The following INAVA variants were observed in gnomAD, a reference collection of about 807,000 sequenced individuals.
INAVA encodes innate immunity activator protein.
INAVA carries 32 observed loss-of-function variants against 55.3 expected under a neutral mutation model. The observed-to-expected ratio is 0.58, with a 90% CI of 0.44 to 0.78. The LOEUF is 0.78. INAVA is among the 30% of genes least tolerant of loss of function. The pLI is 0.00. For synonymous variants in INAVA, 294 were observed against 329.4 expected (o/e 0.89, Z 1.16); for missense variants, 756 against 786.4 (o/e 0.96, Z 0.46).
At position 200,911,445 on chromosome 1, in the gene INAVA, C is replaced by T. The variant is rs774238091; in HGVS notation, c.960-8C>T. On this transcript the variant is annotated splice_polypyrimidine_tract_variant and splice_region_variant and intron_variant, in intron 8 of 9. Coordinates refer to ENST00000413687, the MANE Select transcript of INAVA (RefSeq NM_001142569.3). ...CCACACTCAGAATGCCTCTCTTTCC[C>T]TCTTCAGGGTGGATTCCTTCCGGGC... 1.2e-6 allele frequency: 2 copies of T among 1,604,922 alleles called. No individual in the cohort carries two copies. The highest frequency in any genetic ancestry group is 1.7e-6 in the Non-Finnish European group (2 of 1,173,526).
At chr1:200,894,791 GGA>G (rs1185889427), upstream of INAVA, 1 of 985,470 alleles carries the variant, frequency 1.0e-6, no homozygotes, top group Non-Finnish European at 1.2e-6. Flanking sequence ...CAGAGGCCCA[GGA>G]GCTGCCTGCT....
chr1:200,896,583 T>A (rs1403347330), intron 1 of INAVA, among the ~76,000 whole-genome samples: 1 of 152,272 alleles, frequency 6.6e-6, no homozygotes, highest in African/African-American at 2.4e-5. Flanking sequence ...CTAGACTTCC[T>A]TGAATAATTG....
intron 8 of INAVA, among the ~76,000 whole-genome samples, chr1:200,910,760 T>C (rs1653677041): frequency 6.6e-6 from 1 of 152,258 alleles, no homozygotes; most frequent in East Asian, 1.9e-4. Context: ...TTTTATATTT[T>C]ACATGCTACG....
upstream of INAVA, among the ~76,000 whole-genome samples, chr1:200,894,306 C>T (rs2102297850): frequency 6.6e-6 from 1 of 152,152 alleles, no homozygotes; most frequent in South Asian, 2.1e-4. Context: ...GAAGTGATGG[C>T]CTCGATACCC....
At chr1:200,904,129 T>A (rs1653390314) in intron 5 of INAVA, among the ~76,000 whole-genome samples, 1 of 151,196 alleles carries the variant, frequency 6.6e-6, no homozygotes, top group Non-Finnish European at 1.5e-5. Flanking sequence ...TGCTCTCTCA[T>A]CCAGGCTGGA....
chr1:200,910,205 A>G (rs1653659228), intron 8 of INAVA, among the ~76,000 whole-genome samples: 1 of 152,238 alleles, frequency 6.6e-6, no homozygotes, highest in Non-Finnish European at 1.5e-5. Context: ...ACATGAGGGC[A>G]GAACATGGCC....
In INAVA at chr1:200,909,216, T is replaced by G. The variant is rs1396112380; in HGVS notation, c.786-8T>G. The G allele has an allele frequency of 6.7e-7, 1 of 1,495,984 alleles. No homozygotes were observed. The highest frequency in any genetic ancestry group is 8.9e-7 in the Non-Finnish European group (1 of 1,118,348). 92.7% of individuals were successfully genotyped at this position (1,495,984 alleles called of 1,614,324 possible). ...CCTGCCACTGACCTGTCTCTAATCC[T>G]TTTGCAGCAGCCCAGCCACCACACC... On this transcript the variant is annotated splice_polypyrimidine_tract_variant and splice_region_variant and intron_variant, in intron 7 of 9. Coordinates refer to ENST00000413687, the MANE Select transcript of INAVA (RefSeq NM_001142569.3).
chr1:200,904,758 G>A (rs1230587110), intron 5 of INAVA, among the ~76,000 whole-genome samples: 3 of 151,182 alleles, frequency 2.0e-5, no homozygotes, highest in Admixed American at 6.6e-5. Context: ...TTAGAGACAG[G>A]GTCTTGTTCT....
intron 1 of INAVA, among the ~76,000 whole-genome samples, chr1:200,896,146 A>G (rs1031406547): frequency 7.9e-5 from 12 of 152,312 alleles, no homozygotes; most frequent in African/African-American, 2.4e-4. Flanking sequence ...CCTGAGAAGC[A>G]GGGGCTGAGT....
chr1:200,911,054 CTTT>C (rs1653693291), intron 8 of INAVA, among the ~76,000 whole-genome samples: 1 of 149,884 alleles, frequency 6.7e-6, no homozygotes, highest in Non-Finnish European at 1.5e-5. Context: ...TAATGTAGTA[CTTT>C]AAAAAAAGTA....
chr1:200,913,494 C>G, intron 9 of INAVA, 43 bp from the exon 10 acceptor site: 1 of 1,517,562 alleles, frequency 6.6e-7, no homozygotes, highest in Middle Eastern at 1.7e-4. Flanking sequence ...GCTTTTCTGC[C>G]TGGTTCATTT....
chr1:200,894,621 G>A (rs1382365925), upstream of INAVA, among the ~76,000 whole-genome samples: 1 of 152,180 alleles, frequency 6.6e-6, no homozygotes, highest in Non-Finnish European at 1.5e-5. Flanking sequence ...GGCAGGGAGA[G>A]CCAGGGTCAG....
intron 5 of INAVA, among the ~76,000 whole-genome samples, chr1:200,901,408 C>T (rs1475779890): frequency 2.0e-5 from 3 of 152,236 alleles, no homozygotes; most frequent in South Asian, 2.1e-4. Flanking sequence ...AATACACTAC[C>T]TTCAAGAGAC....
chr1:200,895,196 A>C, intron 1 of INAVA, 109 bp downstream of exon 1: 1 of 881,804 alleles, frequency 1.1e-6, no homozygotes, highest in Non-Finnish European at 1.4e-6. Flanking sequence ...CACCCCCGCC[A>C]GCCTATGTCT....
At chr1:200,910,442 T>A (rs1046717923) in intron 8 of INAVA, among the ~76,000 whole-genome samples, 2 of 152,240 alleles carry the variant, frequency 1.3e-5, no homozygotes, top group African/African-American at 2.4e-5. Flanking sequence ...TGACAGGCAG[T>A]ATTGGCCATA....
rs1290906642 is a variant in INAVA, at chr1:200,913,638, C to T, written c.*9C>T. ...TCATCAGCCAGGTGTAACTCTGCGC[C>T]CCACGCTGGAAAAAACTGTTTCATA... On this transcript the variant is annotated 3_prime_UTR_variant, in exon 10 of 10. Coordinates refer to ENST00000413687, the MANE Select transcript of INAVA (RefSeq NM_001142569.3). The T allele has an allele frequency of 2.5e-6, 4 of 1,610,840 alleles. No homozygotes were observed. Among genetic ancestry groups the T allele is most frequent in the African/African-American group, 1.3e-5 (1 of 74,836 alleles).
At position 200,894,937 on chromosome 1, in the gene INAVA, CGAGACG is replaced by C; in HGVS notation, c.-242_-237del. The C allele has an allele frequency of 1.0e-6, 1 of 985,702 alleles. No individual in the cohort carries two copies. The highest frequency in any genetic ancestry group is 1.1e-4 in the East Asian group (1 of 8,914). The allele number at this position is 985,702 out of a possible 1,614,324, so 61.1% of individuals were successfully genotyped here. ...GGGACGGCAAGGTAGGCAGGTGAGC[CGAGACG>C]GACGGACGGCCAGCAGCTCCGTCAG... On this transcript the variant is annotated 5_prime_UTR_variant, in exon 1 of 10. Coordinates refer to ENST00000413687, the MANE Select transcript of INAVA (RefSeq NM_001142569.3).
rs550201063 is a variant in INAVA, at chr1:200,908,885, C to T, written c.730C>T (p.Leu244=). 6.2e-7 allele frequency: 1 copy of T among 1,614,030 alleles called. No individual in the cohort carries two copies. The highest frequency in any genetic ancestry group is 8.5e-7 in the Non-Finnish European group (1 of 1,179,944). Residue 244 remains leucine, a synonymous_variant, in exon 7 of 10, where the codon CTG becomes TTG. Transcript: ENST00000413687. ...GAACAGCCCCTGGAAGGAAACCAGCCTGGACCACCCCTATGAGAAGCCCAG... is the reference window on the plus strand; with the variant it reads ...GAACAGCCCCTGGAAGGAAACCAGCTTGGACCACCCCTATGAGAAGCCCAG... ...VQNSPWKETS[L]DHPYEKPRKS...
upstream of INAVA, among the ~76,000 whole-genome samples, chr1:200,892,676 G>T (rs1397219299): frequency 1.3e-5 from 2 of 152,176 alleles, no homozygotes; most frequent in Non-Finnish European, 2.9e-5. Context: ...CTGGAGTGGG[G>T]AGCTGTTTCA....
Sources: gnomAD v4.1 joint callset for allele counts (sites outside exome capture counted in the v4.1 genomes callset) on GRCh38, gnomAD v4.1.1 for gene constraint, MANE v1.5 for transcripts, NCBI Gene and HGNC (gene_info 2026-07-23, HGNC 2026-07-21) for gene names.